ZFAND6: variants seen among roughly 807,000 people sequenced by gnomAD.
ZFAND6 encodes the protein zinc finger AN1-type containing 6.
A neutral mutation model predicts 24.5 loss-of-function variants in ZFAND6; 12 were observed. The ratio of observed to expected loss-of-function variants is 0.49; its 90% CI spans 0.31 to 0.79. The LOEUF is 0.79. Among genes scored for constraint, ZFAND6 ranks in the 30% least tolerant of loss-of-function variants. The pLI is 0.04. For synonymous variants in ZFAND6, 92 were observed against 81.5 expected, an observed-to-expected ratio of 1.13 and a Z score of -0.69; for missense variants, 207 against 245.9, an observed-to-expected ratio of 0.84 and a Z score of 1.06.
intron 6 of ZFAND6, among the ~76,000 whole-genome samples, chr15:80,136,737 G>A (rs1322466510): frequency 6.6e-6 from 1 of 152,092 alleles, no homozygotes; most frequent in Non-Finnish European, 1.5e-5. Context: ...CTAATTTGGG[G>A]GAGCAGGACC....
At chr15:80,133,932 G>A (rs570880033) in intron 6 of ZFAND6, among the ~76,000 whole-genome samples, 26 of 151,458 alleles carry the variant, frequency 1.7e-4, no homozygotes, top group Non-Finnish European at 3.5e-4. Context: ...TTAATGCTTT[G>A]TCCCTGAAAT....
rs2040585035 is a variant in ZFAND6 at position 80,131,197 on chromosome 15, G to A, written c.382G>A (p.Ala128Thr). Residue 128 changes from alanine to threonine, a missense_variant, in exon 6 of 7, where the codon GCA becomes ACA. Coordinates refer to ENST00000261749, the MANE Select transcript of ZFAND6 (RefSeq NM_019006.4). ...TTTGTTAGCTTCAGTATCAGACACA[G>A]CACAGCAGCCATCTGAAGAGCAAAG... Reference protein sequence around the residue: ...EDVQASVSDTAQQPSEEQSKS... With the variant: ...EDVQASVSDTTQQPSEEQSKS... 1.2e-6 allele frequency: 2 copies of A among 1,606,878 alleles called. No individual in the cohort carries two copies. The highest frequency in any genetic ancestry group is 1.7e-6 in the Non-Finnish European group (2 of 1,176,316).
At chr15:80,093,988 T>G (rs796097747) in intron 1 of ZFAND6, among the ~76,000 whole-genome samples, 5 of 152,324 alleles carry the variant, frequency 3.3e-5, no homozygotes, top group African/African-American at 1.2e-4. Context: ...CATTTGGTAT[T>G]TTAAACTGGA....
chr15:80,098,655 G>C (rs1465227151), intron 2 of ZFAND6, 77 bp downstream of exon 2: 2 of 152,070 alleles, frequency 1.3e-5, no homozygotes, highest in Non-Finnish European at 2.9e-5. Context: ...TAAAATGCTT[G>C]AAGATAGACC....
intron 2 of ZFAND6, among the ~76,000 whole-genome samples, chr15:80,114,270 A>G (rs1596293328): frequency 6.6e-6 from 1 of 152,222 alleles, no homozygotes; most frequent in East Asian, 1.9e-4. Flanking sequence ...AAGCTTTTAC[A>G]GGTAATAAAA....
chr15:80,120,295 C>A, intron 2 of ZFAND6, 33 bp from the exon 3 acceptor site: 1 of 1,449,458 alleles, frequency 6.9e-7, no homozygotes, highest in Non-Finnish European at 9.2e-7. Flanking sequence ...AGTTACGTGT[C>A]TGAGTTCTTT....
intron 1 of ZFAND6, among the ~76,000 whole-genome samples, chr15:80,089,147 C>G (rs564899771): frequency 7.6e-4 from 116 of 151,634 alleles, no homozygotes; most frequent in South Asian, 1.3e-3. Flanking sequence ...TCCTTCTGTT[C>G]TTCACTGATC....
intron 1 of ZFAND6, among the ~76,000 whole-genome samples, chr15:80,068,231 TCAA>T (rs777334357): frequency 2.6e-4 from 40 of 151,946 alleles, no homozygotes; most frequent in Non-Finnish European, 5.0e-4. Flanking sequence ...CACTGTAGTC[TCAA>T]CCTCCCTGGC....
intron 2 of ZFAND6, among the ~76,000 whole-genome samples, chr15:80,106,033 TTC>T (rs1476621374): frequency 6.6e-6 from 1 of 152,208 alleles, no homozygotes; most frequent in Non-Finnish European, 1.5e-5. Context: ...ACATTAGTAT[TTC>T]TGTTCTTGTA....
intron 1 of ZFAND6, among the ~76,000 whole-genome samples, chr15:80,064,092 TGTAACTTAA>T (rs2036480330): frequency 2.0e-5 from 3 of 152,242 alleles, no homozygotes; most frequent in African/African-American, 7.2e-5. Context: ...ATCTGTTGGG[TGTAACTTAA>T]GTTTATTATT....
intron 6 of ZFAND6, among the ~76,000 whole-genome samples, chr15:80,134,957 T>C (rs75602166): frequency 3.5e-4 from 54 of 152,192 alleles, no homozygotes; most frequent in African/African-American, 1.2e-3. Flanking sequence ...TGGTACCATA[T>C]GGAAACAATT....
At position 80,062,628 on chromosome 15, in the gene ZFAND6, T is replaced by C. The variant is rs531382142; in HGVS notation, c.-181+2819T>C. 3.3e-5 allele frequency among the ~76,000 whole-genome samples: 5 copies of C among 152,334 alleles called. No individual in the cohort carries two copies. In the East Asian group the frequency reaches 5.8e-4, roughly 18 times the overall value. ...AGTAGAGATGGTTTCATTTTTTCTA[T>C]ATGTAGCTTGCAGACAAATATCAGG... On this transcript the variant is annotated intron_variant, in intron 1 of 6. Coordinates refer to ENST00000261749, the MANE Select transcript of ZFAND6 (RefSeq NM_019006.4).
chr15:80,100,065 AC>A (rs1383171056), intron 2 of ZFAND6, among the ~76,000 whole-genome samples: 2 of 152,172 alleles, frequency 1.3e-5, no homozygotes, highest in Non-Finnish European at 2.9e-5. Context: ...GATACATAAC[AC>A]TGTGTAAATC....
rs964060425 is a variant in ZFAND6 at position 80,097,080 on chromosome 15, A to G, written c.-180-1336A>G. Among the ~76,000 whole-genome samples the G allele has an allele frequency of 2.7e-5, 4 of 150,754 alleles. No homozygotes were observed. The South Asian group carries it at 6.3e-4, about 24-fold the overall frequency. ...AGTGGCATGATCTCAGCACACTGCA[A>G]CCTCCACCTCCCAGGTTCAAGTGAT... On this transcript the variant is annotated intron_variant, in intron 1 of 6. Coordinates refer to ENST00000261749, the MANE Select transcript of ZFAND6 (RefSeq NM_019006.4).
intron 5 of ZFAND6, among the ~76,000 whole-genome samples, chr15:80,126,353 A>G (rs547257365): frequency 7.9e-5 from 12 of 152,208 alleles, no homozygotes; most frequent in Admixed American, 5.2e-4. Context: ...AAAAATAACA[A>G]AGTTGGAGGA....
At chr15:80,136,308 T>C (rs919901132) in intron 6 of ZFAND6, among the ~76,000 whole-genome samples, 2 of 151,728 alleles carry the variant, frequency 1.3e-5, no homozygotes, top group Non-Finnish European at 2.9e-5. Flanking sequence ...CTACTAAAAA[T>C]ACAAAAATTA....
intron 1 of ZFAND6, among the ~76,000 whole-genome samples, chr15:80,061,242 C>A (rs372507169): frequency 2.6e-5 from 4 of 152,158 alleles, no homozygotes; most frequent in African/African-American, 7.2e-5. Flanking sequence ...ATACAGGGGT[C>A]GGTGGATTTA....
At chr15:80,070,007 A>G (rs78408018) in intron 1 of ZFAND6, among the ~76,000 whole-genome samples, 10 of 152,174 alleles carry the variant, frequency 6.6e-5, no homozygotes, top group East Asian at 1.9e-4. Context: ...CTTTTTATCA[A>G]CTACTACAAT....
intron 2 of ZFAND6, among the ~76,000 whole-genome samples, chr15:80,108,287 G>T (rs4778748): frequency 6.6e-6 from 1 of 152,106 alleles, no homozygotes; most frequent in Non-Finnish European, 1.5e-5. Flanking sequence ...TTTACCTTAG[G>T]GGGAGAAGAG....
Sources: gnomAD v4.1 joint callset for allele counts (sites outside exome capture counted in the v4.1 genomes callset) on GRCh38, gnomAD v4.1.1 for gene constraint, MANE v1.5 for transcripts, NCBI Gene and HGNC (gene_info 2026-07-23, HGNC 2026-07-21) for gene names.